The following GNAQ variants were observed in gnomAD, a reference collection of about 807,000 sequenced individuals.
GNAQ encodes the protein G protein subunit alpha q, also known as guanine nucleotide-binding protein G(q) subunit alpha.
GNAQ carries 8 observed loss-of-function variants against 43.9 expected under a neutral mutation model. That is an observed-to-expected ratio of 0.18 (90% CI 0.11 to 0.33). The LOEUF (loss-of-function observed/expected upper bound fraction) is 0.33. Among genes scored for constraint, GNAQ ranks in the 10% least tolerant of loss-of-function variants. The pLI is 1.00. For missense variants in GNAQ, 158 were observed against 450.8 expected (o/e 0.35, Z 5.88); for synonymous variants, 155 against 170.7 (o/e 0.91, Z 0.71).
intron 2 of GNAQ, among the ~76,000 whole-genome samples, chr9:77,917,832 T>C (rs548099686): frequency 2.0e-5 from 3 of 152,218 alleles, no homozygotes; most frequent in Non-Finnish European, 4.4e-5. Flanking sequence ...AGCTCACCTA[T>C]AAACAGTGCT....
chr9:77,754,921 T>C (rs1009963457), intron 5 of GNAQ, among the ~76,000 whole-genome samples: 2 of 152,184 alleles, frequency 1.3e-5, no homozygotes, highest in Non-Finnish European at 2.9e-5. Context: ...CAAAAAGATA[T>C]CTTCACTTCC....
chr9:77,789,395 A>G (rs1281233890), intron 5 of GNAQ, among the ~76,000 whole-genome samples: 2 of 152,180 alleles, frequency 1.3e-5, no homozygotes, highest in Non-Finnish European at 2.9e-5. Context: ...AGAAACCCCT[A>G]TAAATTAGTA....
chr9:77,980,077 ATGC>A (rs1823350783), intron 1 of GNAQ, among the ~76,000 whole-genome samples: 1 of 152,220 alleles, frequency 6.6e-6, no homozygotes, highest in Non-Finnish European at 1.5e-5. Context: ...GGGTAACAGA[ATGC>A]TGAGTTCAAA....
chr9:77,761,838 G>C (rs1479956671), intron 5 of GNAQ, among the ~76,000 whole-genome samples: 1 of 53,428 alleles, frequency 1.9e-5, no homozygotes, highest in Non-Finnish European at 4.7e-5. Context: ...CGCCCCGTCC[G>C]GGAGGGAGGT....
intron 2 of GNAQ, among the ~76,000 whole-genome samples, chr9:77,878,800 C>CT (rs1414662203): frequency 6.6e-6 from 1 of 152,118 alleles, no homozygotes; most frequent in Non-Finnish European, 1.5e-5. Flanking sequence ...AATTCCAGCA[C>CT]TTTGGGAGGC....
Position 77,894,493 on chromosome 9 carries a change from G to C in GNAQ, c.321+27668C>G, listed in dbSNP as rs530487430. 2.7e-5 allele frequency among the ~76,000 whole-genome samples: 4 copies of C among 148,684 alleles called. No homozygotes were observed. The South Asian group carries it at 8.5e-4, about 32-fold the overall frequency. On this transcript the variant is annotated intron_variant, in intron 2 of 6. Transcript: ENST00000286548. ...GCTGGAATGCAGTGCTGTGATCTAG[G>C]CTCACTGCAACCTCTGCCTCCCAGG...
intron 5 of GNAQ, among the ~76,000 whole-genome samples, chr9:77,784,303 A>C (rs1034519638): frequency 6.6e-6 from 1 of 152,152 alleles, no homozygotes; most frequent in Admixed American, 6.5e-5. Context: ...ATTTTATTCT[A>C]TTTAAGATAA....
Position 77,721,479 on chromosome 9 carries a change from G to A in GNAQ, c.924C>T (p.Phe308=), listed in dbSNP as rs144945100. The A allele has an allele frequency of 1.4e-5, 23 of 1,612,706 alleles. No individual in the cohort carries two copies. The highest frequency in any genetic ancestry group is 1.9e-5 in the Non-Finnish European group (22 of 1,179,146). Residue 308 remains phenylalanine (F), a synonymous_variant, in exon 7 of 7, where the codon TTC becomes TTT. Transcript: ENST00000286548. The part of the protein sequence containing the change: ...PQRDAQAARE[F]ILKMFVDLNP... ...TCAGGTCCACGAACATCTTCAGAAT[G>A]AATTCTCGGGCTGCCTGGGCATCTC...
At chr9:77,808,462 GTTA>G (rs1027122240) in intron 3 of GNAQ, among the ~76,000 whole-genome samples, 3 of 151,318 alleles carry the variant, frequency 2.0e-5, no homozygotes, top group South Asian at 2.1e-4. Context: ...GACACTTTGT[GTTA>G]TTATTGACAC....
chr9:77,871,287 T>C (rs993245586), intron 2 of GNAQ, among the ~76,000 whole-genome samples: 4 of 152,166 alleles, frequency 2.6e-5, no homozygotes, highest in Non-Finnish European at 5.9e-5. Flanking sequence ...CTCCAGAGGA[T>C]AAATAGTCCT....
At chr9:77,958,274 G>A (rs1002657460) in intron 1 of GNAQ, among the ~76,000 whole-genome samples, 2 of 151,872 alleles carry the variant, frequency 1.3e-5, no homozygotes, top group African/African-American at 4.8e-5. Context: ...ACATATAGAT[G>A]TACTTTTTCC....
intron 1 of GNAQ, among the ~76,000 whole-genome samples, chr9:77,951,562 G>A (rs1822978114): frequency 6.6e-6 from 1 of 152,036 alleles, no homozygotes; most frequent in Non-Finnish European, 1.5e-5. Flanking sequence ...TATTTACTTA[G>A]CTGTGTACCT....
chr9:77,892,305 G>A (rs955080934), intron 2 of GNAQ, among the ~76,000 whole-genome samples: 49 of 152,216 alleles, frequency 3.2e-4, no homozygotes, highest in African/African-American at 1.2e-3. Flanking sequence ...CCTTTCACAA[G>A]TACCTTCTAT....
intron 1 of GNAQ, among the ~76,000 whole-genome samples, chr9:77,931,918 TGA>T (rs1444164755): frequency 6.6e-6 from 1 of 151,684 alleles, no homozygotes; most frequent in African/African-American, 2.4e-5. Flanking sequence ...AGTGCAAAAA[TGA>T]GAGAGTAGTC....
At chr9:77,788,532 T>C (rs920998012) in intron 5 of GNAQ, among the ~76,000 whole-genome samples, 1 of 152,178 alleles carries the variant, frequency 6.6e-6, no homozygotes, top group Non-Finnish European at 1.5e-5. Context: ...AATGCCAACA[T>C]GAGGCCAGTG....
intron 2 of GNAQ, among the ~76,000 whole-genome samples, chr9:77,829,977 G>T (rs979591772): frequency 6.6e-6 from 1 of 151,848 alleles, no homozygotes; most frequent in Non-Finnish European, 1.5e-5. Flanking sequence ...TTGAGACAGG[G>T]TCTTACTCTT....
At chr9:77,874,107 AAAAAAAAAAC>A in intron 2 of GNAQ, among the ~76,000 whole-genome samples, 1 of 149,258 alleles carries the variant, frequency 6.7e-6, no homozygotes. Context: ...TCCATCTCAA[AAAAAAAAAAC>A]AAAAAAACAA....
At chr9:78,014,726 A>C in intron 1 of GNAQ, among the ~76,000 whole-genome samples, 1 of 152,230 alleles carries the variant, frequency 6.6e-6, no homozygotes, top group East Asian at 1.9e-4. Context: ...GCTGAGTTCA[A>C]GATATAATAG....
chr9:77,984,554 T>G (rs1209991884), intron 1 of GNAQ, among the ~76,000 whole-genome samples: 1 of 152,218 alleles, frequency 6.6e-6, no homozygotes, highest in African/African-American at 2.4e-5. Context: ...CCCAAAAGTA[T>G]GAATTCGCAT....
Sources: allele counts gnomAD v4.1 joint callset (sites outside exome capture counted in the v4.1 genomes callset), GRCh38; gene constraint gnomAD v4.1.1; transcripts MANE v1.5; gene names NCBI Gene and HGNC (gene_info 2026-07-23, HGNC 2026-07-21).